CCDC178: variants seen among roughly 807,000 people sequenced by gnomAD.
CCDC178 encodes coiled-coil domain containing 178, also known as coiled-coil domain-containing protein 178.
Under a neutral mutation model 117.4 loss-of-function variants are expected in CCDC178, and 126 were observed. The ratio of observed to expected loss-of-function variants is 1.07; its 90% CI spans 0.93 to 1.24. CCDC178 has a LOEUF of 1.24. CCDC178 is among the 50% of genes most tolerant of loss of function. The probability of loss-of-function intolerance (pLI) is 0.00; values close to 1 mark genes in which losing one functional copy is unlikely to be tolerated. For synonymous variants in CCDC178, 283 were observed against 313.4 expected (o/e 0.90, Z 1.02); for missense variants, 1,030 against 986.9 (o/e 1.04, Z -0.59).
rs577034643 is a variant in CCDC178, at chr18:33,218,930, T to C, written c.1933-3235A>G. Among the ~76,000 whole-genome samples, 4 of 152,272 alleles carry C rather than the reference T, an allele frequency of 2.6e-5. No homozygotes were observed. The East Asian group carries it at 7.7e-4, about 29-fold the overall frequency. On this transcript the variant is annotated intron_variant, in intron 18 of 22. Coordinates refer to ENST00000383096, the MANE Select transcript of CCDC178 (RefSeq NM_001105528.4). ...TTTTGGCTTAGGATTGTCTTGGCAA[T>C]GTGGGCTCTTTTTTGGTTCCATATG...
At chr18:33,060,750 C>T (rs958229821) in intron 21 of CCDC178, among the ~76,000 whole-genome samples, 4 of 152,020 alleles carry the variant, frequency 2.6e-5, no homozygotes, top group African/African-American at 7.2e-5. Flanking sequence ...CAGTAATGCA[C>T]ATATGTGGGA....
rs568764330 is a variant in CCDC178 at position 32,964,668 on chromosome 18, C to G, written c.2523+9879G>C. Among the ~76,000 whole-genome samples the G allele has an allele frequency of 2.0e-5, 3 of 151,882 alleles. No homozygotes were observed. In the East Asian group the frequency reaches 5.8e-4, roughly 29 times the overall value. ...GACCCTTGGATAGGTGCTGTTTATACCTGCTTCACGTCCCAGATGATACAA... is the reference window on the plus strand; with the variant it reads ...GACCCTTGGATAGGTGCTGTTTATAGCTGCTTCACGTCCCAGATGATACAA... On this transcript the variant is annotated intron_variant, in intron 22 of 22. Transcript: ENST00000383096.
chr18:33,148,744 A>G (rs929382697), intron 20 of CCDC178, among the ~76,000 whole-genome samples: 2 of 152,216 alleles, frequency 1.3e-5, no homozygotes, highest in African/African-American at 2.4e-5. Context: ...AGATTATAGT[A>G]TAATATGCAG....
intron 21 of CCDC178, among the ~76,000 whole-genome samples, chr18:32,982,068 T>A (rs1274325553): frequency 6.6e-6 from 1 of 152,172 alleles, no homozygotes; most frequent in African/African-American, 2.4e-5. Context: ...GTATGTTTTT[T>A]CCTTAAAAAT....
At chr18:33,369,191 G>C (rs1264873837) in intron 6 of CCDC178, among the ~76,000 whole-genome samples, 1 of 151,952 alleles carries the variant, frequency 6.6e-6, no homozygotes, top group African/African-American at 2.4e-5. Flanking sequence ...AGAAGTAACA[G>C]TGACAAATAT....
chr18:33,406,462 C>T lies in CCDC178; in HGVS notation c.58+5569G>A, dbSNP rs866522801. On this transcript the variant is annotated intron_variant, in intron 3 of 22. Coordinates refer to ENST00000383096, the MANE Select transcript of CCDC178 (RefSeq NM_001105528.4). ...ACTACTATATAAAATAATAGTATTACAGCTCATAACATTTATGCACCTAAT... is the reference window on the plus strand; with the variant it reads ...ACTACTATATAAAATAATAGTATTATAGCTCATAACATTTATGCACCTAAT... 4.6e-5 allele frequency among the ~76,000 whole-genome samples: 7 copies of T among 152,028 alleles called. No homozygotes were observed. The South Asian group carries it at 1.2e-3, about 27-fold the overall frequency.
intron 20 of CCDC178, among the ~76,000 whole-genome samples, chr18:33,204,706 G>A (rs1056977349): frequency 6.6e-6 from 1 of 152,106 alleles, no homozygotes; most frequent in Non-Finnish European, 1.5e-5. Context: ...ACTAAGAGAT[G>A]TATTGATATT....
chr18:33,211,131 T>C (rs1258081738), intron 20 of CCDC178, among the ~76,000 whole-genome samples: 5 of 151,848 alleles, frequency 3.3e-5, no homozygotes, highest in African/African-American at 9.7e-5. Context: ...ATAGCTCATA[T>C]ATTATGATAC....
intron 14 of CCDC178, 143 bp from the exon 15 acceptor site, chr18:33,245,571 A>G: frequency 1.1e-6 from 1 of 925,782 alleles, no homozygotes; most frequent in Non-Finnish European, 1.5e-6. Context: ...TGAAGACAGA[A>G]CATGTGTCCT....
chr18:33,304,554 G>A (rs12962840), intron 11 of CCDC178, among the ~76,000 whole-genome samples: 13 of 152,242 alleles, frequency 8.5e-5, no homozygotes, highest in South Asian at 2.1e-4. Context: ...ACATTCAAGC[G>A]GGGATTTTAC....
At chr18:33,171,465 G>A (rs1440503958) in intron 20 of CCDC178, among the ~76,000 whole-genome samples, 5 of 152,194 alleles carry the variant, frequency 3.3e-5, no homozygotes, top group Admixed American at 3.3e-4. Flanking sequence ...TAATTCTATA[G>A]AGAAGAGATA....
At chr18:32,970,373 T>C (rs1030697238) in intron 22 of CCDC178, among the ~76,000 whole-genome samples, 2 of 152,000 alleles carry the variant, frequency 1.3e-5, no homozygotes, top group Non-Finnish European at 2.9e-5. Flanking sequence ...ATATTGGTTA[T>C]ATACAATTTA....
At chr18:33,077,053 T>C (rs1043097509) in intron 21 of CCDC178, among the ~76,000 whole-genome samples, 3 of 152,154 alleles carry the variant, frequency 2.0e-5, no homozygotes, top group African/African-American at 7.2e-5. Flanking sequence ...ATAAACTCTC[T>C]CTCAAAAAGT....
chr18:33,086,364 CTTA>C (rs2057377453), intron 21 of CCDC178, among the ~76,000 whole-genome samples: 1 of 150,464 alleles, frequency 6.6e-6, no homozygotes, highest in South Asian at 2.1e-4. Flanking sequence ...CTCTTATTCT[CTTA>C]TGTTTTATAT....
chr18:33,260,300 C>G (rs1008288208), intron 14 of CCDC178, among the ~76,000 whole-genome samples: 26 of 152,062 alleles, frequency 1.7e-4, no homozygotes, highest in Admixed American at 1.7e-3. Flanking sequence ...CTTTGTATGA[C>G]TATGTTATAT....
At chr18:33,127,924 G>A (rs2058027931) in intron 20 of CCDC178, among the ~76,000 whole-genome samples, 1 of 152,148 alleles carries the variant, frequency 6.6e-6, no homozygotes, top group Non-Finnish European at 1.5e-5. Flanking sequence ...AGCCCACAGA[G>A]ATATTCTGAG....
At chr18:33,345,889 T>C (rs1361705982) in intron 9 of CCDC178, among the ~76,000 whole-genome samples, 1 of 152,094 alleles carries the variant, frequency 6.6e-6, no homozygotes, top group Non-Finnish European at 1.5e-5. Flanking sequence ...TCTCACTCTA[T>C]CACCTGGGGC....
intron 10 of CCDC178, among the ~76,000 whole-genome samples, chr18:33,324,381 T>G (rs899263114): frequency 5.9e-5 from 9 of 152,078 alleles, no homozygotes; most frequent in African/African-American, 2.2e-4. Flanking sequence ...TTGCACAATC[T>G]ATAGTTATAC....
intron 21 of CCDC178, among the ~76,000 whole-genome samples, chr18:32,995,274 C>A (rs1011150049): frequency 6.6e-6 from 1 of 152,148 alleles, no homozygotes; most frequent in Non-Finnish European, 1.5e-5. Flanking sequence ...TAATGGCTTT[C>A]TTCTTTTTAC....
Sources: allele counts gnomAD v4.1 joint callset (sites outside exome capture counted in the v4.1 genomes callset), GRCh38; gene constraint gnomAD v4.1.1; transcripts MANE v1.5; gene names NCBI Gene and HGNC (gene_info 2026-07-23, HGNC 2026-07-21).